SGCZ: variants seen among roughly 807,000 people sequenced by gnomAD.
SGCZ encodes the protein zeta-sarcoglycan.
Under a neutral mutation model 41.3 loss-of-function variants are expected in SGCZ, and 40 were observed. That is an observed-to-expected ratio of 0.97 (90% CI 0.75 to 1.26). The LOEUF (loss-of-function observed/expected upper bound fraction) is 1.26. Among genes scored for constraint, SGCZ ranks in the 50% most tolerant of loss-of-function variants. The pLI, the probability that SGCZ is intolerant of heterozygous loss-of-function variation, is 0.00. For missense variants in SGCZ, 552 were observed against 369.8 expected (o/e 1.49, Z -4.04); for synonymous variants, 206 against 137.5 (o/e 1.50, Z -3.49).
At chr8:14,314,830 T>C (rs77601072) in intron 3 of SGCZ, among the ~76,000 whole-genome samples, 2,277 of 152,246 alleles carry the variant, frequency 0.015, 71 homozygotes, top group African/African-American at 0.051. Context: ...ATTATGCAAA[T>C]GAATGCTACC....
At chr8:14,498,285 G>A (rs1802050530) in intron 2 of SGCZ, among the ~76,000 whole-genome samples, 1 of 151,990 alleles carries the variant, frequency 6.6e-6, no homozygotes, top group Non-Finnish European at 1.5e-5. Context: ...TATTTTAAAT[G>A]GAATTTTTTG....
intron 1 of SGCZ, among the ~76,000 whole-genome samples, chr8:14,887,575 T>C (rs917064268): frequency 6.6e-6 from 1 of 152,148 alleles, no homozygotes; most frequent in African/African-American, 2.4e-5. Flanking sequence ...TACACATACA[T>C]AGCTATACAT....
At chr8:14,364,769 A>T (rs921731796) in intron 2 of SGCZ, among the ~76,000 whole-genome samples, 2 of 152,042 alleles carry the variant, frequency 1.3e-5, no homozygotes, top group Admixed American at 1.3e-4. Flanking sequence ...TCATTTGCTC[A>T]TTTTGATATT....
intron 1 of SGCZ, among the ~76,000 whole-genome samples, chr8:14,644,503 T>A (rs1475993459): frequency 2.0e-5 from 3 of 151,910 alleles, no homozygotes; most frequent in East Asian, 3.9e-4. Context: ...AGCCAATTTT[T>A]AAAAAATTTA....
chr8:14,210,477 T>G (rs1046936855), intron 4 of SGCZ, among the ~76,000 whole-genome samples: 1 of 151,992 alleles, frequency 6.6e-6, no homozygotes, highest in Admixed American at 6.6e-5. Flanking sequence ...TTTTTTTTTT[T>G]TTTAAACAGA....
chr8:14,733,962 C>A (rs185271767), intron 1 of SGCZ, among the ~76,000 whole-genome samples: 4 of 152,322 alleles, frequency 2.6e-5, no homozygotes, highest in Non-Finnish European at 5.9e-5. Context: ...GTTGAAAAGA[C>A]GTTTTATCCT....
At chr8:14,951,285 A>T (rs1452179176) in intron 1 of SGCZ, among the ~76,000 whole-genome samples, 1 of 152,026 alleles carries the variant, frequency 6.6e-6, no homozygotes, top group Non-Finnish European at 1.5e-5. Context: ...AAGCTGCAAA[A>T]TTAGCATTAA....
chr8:15,118,851 T>A (rs1807372523), intron 1 of SGCZ, among the ~76,000 whole-genome samples: 1 of 152,164 alleles, frequency 6.6e-6, no homozygotes, highest in African/African-American at 2.4e-5. Flanking sequence ...CTTTAAGTAA[T>A]ACGATACCTG....
chr8:14,246,596 T>G (rs1482059506), intron 3 of SGCZ, among the ~76,000 whole-genome samples: 1 of 121,126 alleles, frequency 8.3e-6, no homozygotes. Context: ...TAAAGTATAA[T>G]AAGAAAAAAA....
In SGCZ at chr8:15,009,431, G is replaced by C. The variant is rs190350979; in HGVS notation, c.39+228154C>G. Among the ~76,000 whole-genome samples, 5 of 128,712 alleles carry C rather than the reference G, an allele frequency of 3.9e-5. No homozygotes were observed. The Admixed American group carries it at 4.0e-4, about 10-fold the overall frequency. The allele number at this position is 128,712 out of a possible 152,430, so 84.4% of individuals were successfully genotyped here. On this transcript the variant is annotated intron_variant, in intron 1 of 7. Transcript: ENST00000382080. ...GTATTACAATTCTACATGAGATTTGGGTGGGGACAGAAATCCAAACCGTAT... is the reference window on the plus strand; with the variant it reads ...GTATTACAATTCTACATGAGATTTGCGTGGGGACAGAAATCCAAACCGTAT...
chr8:14,906,638 T>C (rs1799127123), intron 1 of SGCZ, among the ~76,000 whole-genome samples: 1 of 152,230 alleles, frequency 6.6e-6, no homozygotes, highest in African/African-American at 2.4e-5. Context: ...ACTAAATCCA[T>C]ATTATACTTA....
chr8:14,265,008 C>T (rs1034816377), intron 3 of SGCZ, among the ~76,000 whole-genome samples: 31 of 152,014 alleles, frequency 2.0e-4, no homozygotes, highest in African/African-American at 7.5e-4. Context: ...AAAAAACACG[C>T]CAGATGGCAA....
At position 14,486,258 on chromosome 8, in the gene SGCZ, G is replaced by A. The variant is rs181194006; in HGVS notation, c.234+68474C>T. The stretch of plus-strand genomic sequence containing the variant: ...AAATTGCCTGGAAAATTGCATTGTT[G>A]TAGTTCCTGTGGAACCAGATATAGA... On this transcript the variant is annotated intron_variant, in intron 2 of 7. Transcript: ENST00000382080. Among the ~76,000 whole-genome samples the A allele has an allele frequency of 3.3e-3, 506 of 152,090 alleles. 1 individual carries two copies. Among genetic ancestry groups the A allele is most frequent in the Admixed American group, 6.9e-3 (105 of 15,248 alleles).
intron 1 of SGCZ, among the ~76,000 whole-genome samples, chr8:14,717,104 T>C (rs1413230559): frequency 6.6e-6 from 1 of 152,060 alleles, no homozygotes; most frequent in Non-Finnish European, 1.5e-5. Flanking sequence ...GCCATTGAAA[T>C]TCAATAGTGT....
intron 1 of SGCZ, among the ~76,000 whole-genome samples, chr8:15,112,049 A>G (rs888520152): frequency 6.6e-5 from 10 of 152,150 alleles, no homozygotes; most frequent in African/African-American, 2.2e-4. Context: ...CACTATGAGC[A>G]CTATCTCACT....
chr8:14,798,248 A>G lies in SGCZ; in HGVS notation c.40-243322T>C, dbSNP rs534519322. Among the ~76,000 whole-genome samples the G allele has an allele frequency of 3.3e-5, 5 of 152,384 alleles. No homozygotes were observed. The East Asian group carries it at 9.6e-4, about 29-fold the overall frequency. ...ATCATTGACCCAATGAGGAAAGTATAGAAATCAATGAAGAAAGTATACAAG... is the reference window on the plus strand; with the variant it reads ...ATCATTGACCCAATGAGGAAAGTATGGAAATCAATGAAGAAAGTATACAAG... On this transcript the variant is annotated intron_variant, in intron 1 of 7. Transcript: ENST00000382080.
At chr8:14,128,488 A>G (rs1048271239) in intron 5 of SGCZ, among the ~76,000 whole-genome samples, 1 of 152,212 alleles carries the variant, frequency 6.6e-6, no homozygotes, top group Admixed American at 6.5e-5. Flanking sequence ...GGAAAACAGT[A>G]TGCAGATTTC....
intron 4 of SGCZ, among the ~76,000 whole-genome samples, chr8:14,199,748 T>A (rs12156028): frequency 0.032 from 4,888 of 152,242 alleles, 81 homozygotes; most frequent in Middle Eastern, 0.048. Context: ...TTTCCCCCGA[T>A]ATATTCTAAC....
chr8:14,892,826 T>G (rs1805063216), intron 1 of SGCZ, among the ~76,000 whole-genome samples: 1 of 152,134 alleles, frequency 6.6e-6, no homozygotes, highest in African/African-American at 2.4e-5. Context: ...AAATAGAAGG[T>G]TTGAACTATA....
Sources: gnomAD v4.1 joint callset for allele counts (sites outside exome capture counted in the v4.1 genomes callset) on GRCh38, gnomAD v4.1.1 for gene constraint, MANE v1.5 for transcripts, NCBI Gene and HGNC (gene_info 2026-07-23, HGNC 2026-07-21) for gene names.